Variants in ADGRV1 observed in about 807,000 individuals in gnomAD.
ADGRV1 encodes the protein adhesion G protein-coupled receptor V1, also known as G-protein coupled receptor 98.
Under a neutral mutation model 596.2 loss-of-function variants are expected in ADGRV1, and 359 were observed. The ratio of observed to expected loss-of-function variants is 0.60; its 90% CI spans 0.55 to 0.66. ADGRV1 has a LOEUF of 0.66. Ranked by LOEUF, ADGRV1 falls within the 30% of genes least tolerant of loss-of-function variation. The pLI is 0.00. For missense variants in ADGRV1, 7,274 were observed against 7,575.6 expected (o/e 0.96, Z 1.48); for synonymous variants, 2,681 against 2,679.2 (o/e 1.00, Z -0.02).
At chr5:90,743,888 T>C (rs1020213512) in intron 50 of ADGRV1, among the ~76,000 whole-genome samples, 5 of 152,214 alleles carry the variant, frequency 3.3e-5, no homozygotes, top group Non-Finnish European at 7.3e-5. Context: ...TATTTAGTAT[T>C]GTATATAATA....
At chr5:90,913,161 T>A in intron 83 of ADGRV1, among the ~76,000 whole-genome samples, 1 of 152,048 alleles carries the variant, frequency 6.6e-6, no homozygotes, top group East Asian at 1.9e-4. Context: ...TTATAGACTG[T>A]GGAAATATAG....
intron 85 of ADGRV1, among the ~76,000 whole-genome samples, chr5:91,036,834 C>A (rs772598878): frequency 6.6e-6 from 1 of 152,038 alleles, no homozygotes; most frequent in East Asian, 1.9e-4. Context: ...GATTAAGAAT[C>A]CCTGGCTTAA....
intron 68 of ADGRV1, among the ~76,000 whole-genome samples, chr5:90,788,588 T>C (rs1759730238): frequency 6.6e-6 from 1 of 152,222 alleles, no homozygotes; most frequent in Non-Finnish European, 1.5e-5. Context: ...TTGACAGTTT[T>C]AGAGCAGAGG....
At position 91,083,061 on chromosome 5, in the gene ADGRV1, A is replaced by G. The variant is rs114738315; in HGVS notation, c.18310+10457A>G. On this transcript the variant is annotated intron_variant, in intron 86 of 89. Transcript: ENST00000405460. The stretch of plus-strand genomic sequence containing the variant: ...GAGAAACAGGAAGTAGGGAAAGGTA[A>G]TTTGGGGAATTAGCAATTGAATCAT... Among the ~76,000 whole-genome samples, 1,259 of 152,216 alleles carry G rather than the reference A, an allele frequency of 8.3e-3. 19 individuals are homozygous for G. The highest frequency in any genetic ancestry group is 0.029 in the African/African-American group (1,194 of 41,522).
intron 85 of ADGRV1, among the ~76,000 whole-genome samples, chr5:91,035,563 T>A (rs1784793274): frequency 6.6e-6 from 1 of 152,042 alleles, no homozygotes; most frequent in Admixed American, 6.5e-5. Context: ...ACTATTAGTT[T>A]ATATTTATAA....
At chr5:90,924,745 C>G (rs1350095761) in intron 83 of ADGRV1, among the ~76,000 whole-genome samples, 11 of 152,032 alleles carry the variant, frequency 7.2e-5, no homozygotes, top group Non-Finnish European at 1.6e-4. Flanking sequence ...AGGTTTTCTT[C>G]TAGGGTTTTT....
chr5:91,078,765 G>A (rs1004521708), intron 86 of ADGRV1, among the ~76,000 whole-genome samples: 1 of 152,176 alleles, frequency 6.6e-6, no homozygotes, highest in African/African-American at 2.4e-5. Context: ...AAGGCTTCTT[G>A]TAGGTTCCAT....
At chr5:91,157,042 C>T (rs2126936782) in intron 89 of ADGRV1, among the ~76,000 whole-genome samples, 1 of 152,262 alleles carries the variant, frequency 6.6e-6, no homozygotes, top group East Asian at 1.9e-4. Flanking sequence ...TAATAGCAGC[C>T]CCTTTGGACA....
At chr5:90,654,147 G>C in intron 20 of ADGRV1, 195 bp downstream of exon 20, 1 of 640,696 alleles carries the variant, frequency 1.6e-6, no homozygotes, top group East Asian at 2.9e-5. Flanking sequence ...AAATGAATCA[G>C]AGAATTTTGC....
intron 87 of ADGRV1, among the ~76,000 whole-genome samples, chr5:91,133,687 G>A (rs1019577676): frequency 6.6e-6 from 1 of 152,178 alleles, no homozygotes; most frequent in African/African-American, 2.4e-5. Context: ...AACGCAATGA[G>A]ATAGAAATCA....
Position 90,823,427 on chromosome 5 carries a change from C to A in ADGRV1, c.16199C>A (p.Ala5400Asp). The A allele has an allele frequency of 6.2e-7, 1 of 1,613,448 alleles. No individual in the cohort carries two copies. Among genetic ancestry groups the A allele is most frequent in the Admixed American group, 1.7e-5 (1 of 59,942 alleles). The stretch of plus-strand genomic sequence containing the variant: ...ATTGGTGGGTTTCTTGCTCACAGGG[C>A]CTTTGAAGATGTCAAGGTCTTTTGG... ...HLIVTRQPNRAFEDVKVFWRV... is the reference protein window; with the variant it reads ...HLIVTRQPNRDFEDVKVFWRV... Residue 5400 changes from alanine (A) to aspartate (D), a missense_variant and splice_region_variant, in exon 76 of 90, where the codon GCC becomes GAC. This residue lies in a region of ADGRV1 where 1,874 missense variants were observed against 1,970.2 expected (regional missense o/e 0.95). Transcript: ENST00000405460.
At chr5:90,954,662 C>T (rs1017888095) in intron 83 of ADGRV1, among the ~76,000 whole-genome samples, 2 of 151,808 alleles carry the variant, frequency 1.3e-5, no homozygotes, top group African/African-American at 4.8e-5. Context: ...ATTTCTATTC[C>T]TAGTATAATT....
chr5:91,039,903 A>C (rs1319008921), intron 85 of ADGRV1, among the ~76,000 whole-genome samples: 3 of 152,132 alleles, frequency 2.0e-5, no homozygotes, highest in African/African-American at 7.2e-5. Context: ...TAATTTGGCT[A>C]TTTTACTACT....
At chr5:90,796,914 G>A (rs938928525) in intron 70 of ADGRV1, among the ~76,000 whole-genome samples, 8 of 152,056 alleles carry the variant, frequency 5.3e-5, no homozygotes, top group African/African-American at 1.9e-4. Flanking sequence ...TTACAGACGA[G>A]CAAATGCTGA....
chr5:90,637,900 G>A lies in ADGRV1; in HGVS notation c.2192G>A (p.Gly731Asp), dbSNP rs574765960. 36 of 1,613,544 alleles carry A rather than the reference G, an allele frequency of 2.2e-5. No individual in the cohort carries two copies. The highest frequency in any genetic ancestry group is 2.9e-5 in the Non-Finnish European group (34 of 1,179,684). The change falls in exon 11 of 90, where the codon GGT (glycine) becomes GAT (aspartate). Residue 731 changes from glycine (G) to aspartate (D), a missense_variant. Transcript: ENST00000405460. ...ACAACAATCAACATTACTATCAAAG[G>A]TGATGACATACCGGAAATGAATGAA... ...SDTTINITIK[G>D]DDIPEMNETV... is the part of the protein sequence containing the mutation.
Position 90,823,553 on chromosome 5 carries a change from G to A in ADGRV1, c.16325G>A (p.Gly5442Asp), listed in dbSNP as rs376505416. Residue 5442 changes from glycine to aspartate, a missense_variant, in exon 76 of 90, where the codon GGT becomes GAT. Gly to Asp is a moderately conservative substitution (Grantham distance 94). Around this residue, in one of 5 missense-constraint regions of ADGRV1, gnomAD observed 1,874 missense variants for 1,970.2 expected, o/e 0.95. Coordinates refer to ENST00000405460, the MANE Select transcript of ADGRV1 (RefSeq NM_032119.4). ...SVSGTTTCTM[G>D]QTKCFISIEL... ...TCAGGGACCACAACCTGTACAATGG[G>A]TCAAACAAAATGCTTTATCAGCATT... 1.8e-4 allele frequency: 287 copies of A among 1,613,776 alleles called. No individual in the cohort carries two copies. The highest frequency in any genetic ancestry group is 2.4e-4 in the Non-Finnish European group (280 of 1,179,858).
At chr5:91,040,047 A>G (rs963271573) in intron 85 of ADGRV1, among the ~76,000 whole-genome samples, 2 of 152,190 alleles carry the variant, frequency 1.3e-5, no homozygotes, top group African/African-American at 4.8e-5. Flanking sequence ...ATAAATATAT[A>G]TGTAGTGTTT....
At chr5:90,858,464 T>C (rs940063515) in intron 82 of ADGRV1, among the ~76,000 whole-genome samples, 12 of 152,078 alleles carry the variant, frequency 7.9e-5, no homozygotes, top group Admixed American at 2.0e-4. Flanking sequence ...ACAAGTCTTA[T>C]AGTCTTGTAA....
chr5:91,053,703 C>T lies in ADGRV1; in HGVS notation c.18153-18744C>T, dbSNP rs1482791888. ...AAATAAGATTTCACTGTCTTAACTT[C>T]CCTGCACATAATAATTCACTCCTTT... On this transcript the variant is annotated intron_variant, in intron 85 of 89. Coordinates refer to ENST00000405460, the MANE Select transcript of ADGRV1 (RefSeq NM_032119.4). Among the ~76,000 whole-genome samples the T allele has an allele frequency of 2.0e-5, 3 of 152,320 alleles. No individual in the cohort carries two copies. The East Asian group carries it at 5.8e-4, about 29-fold the overall frequency.
Sources: allele counts gnomAD v4.1 joint callset (sites outside exome capture counted in the v4.1 genomes callset), GRCh38; gene constraint gnomAD v4.1.1; regional missense constraint gnomAD v4.1.1; transcripts MANE v1.5; gene names NCBI Gene and HGNC (gene_info 2026-07-23, HGNC 2026-07-21).